FDX1: variants seen among roughly 807,000 people sequenced by gnomAD.
The protein encoded by FDX1 is adrenodoxin, mitochondrial.
In FDX1, 9 loss-of-function variants were observed where a neutral mutation model predicts 14.9. The observed-to-expected ratio is 0.60, with a 90% CI of 0.36 to 1.05. The LOEUF (loss-of-function observed/expected upper bound fraction) is 1.05, where lower values mean the gene tolerates loss of function less well. Among genes scored for constraint, FDX1 ranks in the 50% least tolerant of loss-of-function variants. The pLI, the probability that FDX1 is intolerant of heterozygous loss-of-function variation, is 0.01. For missense variants in FDX1, 204 were observed against 237.2 expected (o/e 0.86, Z 0.92); for synonymous variants, 92 against 99.4 (o/e 0.93, Z 0.44).
At chr11:110,430,524 T>C (rs75300550) in intron 1 of FDX1, among the ~76,000 whole-genome samples, 2,880 of 152,242 alleles carry the variant, frequency 0.019, 77 homozygotes, top group African/African-American at 0.061. Flanking sequence ...CAGAGTTCCT[T>C]TCCGCATCAC....
chr11:110,435,887 C>A lies in FDX1; in HGVS notation c.239C>A (p.Thr80Lys), dbSNP rs375254527. 3.1e-6 allele frequency: 5 copies of A among 1,610,862 alleles called. No individual in the cohort carries two copies. The African/African-American group carries it at 5.3e-5, about 17-fold the overall frequency. Residue 80 changes from threonine (T) to lysine (K), a missense_variant, in exon 2 of 4, where the codon ACA (threonine) becomes AAA (lysine). Physicochemically the swap from Thr to Lys is moderately conservative, Grantham distance 78. Coordinates refer to ENST00000260270, the MANE Select transcript of FDX1 (RefSeq NM_004109.5). ...HFINRDGETL[T>K]TKGKVGDSLL... ...ATAAACCGTGATGGTGAAACATTAACAACCAAAGGAAAAGTTGGTGATTCT... is the reference window on the plus strand; with the variant it reads ...ATAAACCGTGATGGTGAAACATTAAAAACCAAAGGAAAAGTTGGTGATTCT...
At position 110,432,000 on chromosome 11, in the gene FDX1, G is replaced by T. The variant is rs543598888; in HGVS notation, c.185+1695G>T. On this transcript the variant is annotated intron_variant, in intron 1 of 3. Transcript: ENST00000260270. Reference sequence around the variant, plus strand: ...TAAATAAAATTAAAGATTCAATCTCGTAGTTACACTAGCCACATTTCGAGT... The same window carrying T: ...TAAATAAAATTAAAGATTCAATCTCTTAGTTACACTAGCCACATTTCGAGT... Among the ~76,000 whole-genome samples, 3 of 152,272 alleles carry T rather than the reference G, an allele frequency of 2.0e-5. No homozygotes were observed. In the South Asian group the frequency reaches 6.2e-4, roughly 32 times the overall value.
intron 2 of FDX1, among the ~76,000 whole-genome samples, chr11:110,446,328 T>A (rs1946449704): frequency 6.6e-6 from 1 of 152,212 alleles, no homozygotes; most frequent in Non-Finnish European, 1.5e-5. Context: ...TCATAAGTCA[T>A]ACAGATGAAC....
chr11:110,442,806 C>T (rs1232118049), intron 2 of FDX1, among the ~76,000 whole-genome samples: 5 of 152,122 alleles, frequency 3.3e-5, no homozygotes, highest in Admixed American at 3.3e-4. Flanking sequence ...GGACCAGGGG[C>T]AGAATGATAT....
Position 110,462,428 on chromosome 11 carries a change from C to A in FDX1, c.515C>A (p.Ala172Asp). The change falls in exon 4 of 4, where the codon GCT becomes GAT. Residue 172 changes from alanine (A) to aspartate (D), a missense_variant. Transcript: ENST00000260270. ...ACTGTTCGAGTGCCTGAAACAGTGG[C>A]TGATGCCAGACAATCCATTGATGTG... ...NMTVRVPETV[A>D]DARQSIDVGK... 6.2e-7 allele frequency: 1 copy of A among 1,602,218 alleles called. No individual in the cohort carries two copies. The highest frequency in any genetic ancestry group is 8.6e-7 in the Non-Finnish European group (1 of 1,169,380).
upstream of FDX1, chr11:110,429,928 T>G: frequency 1.5e-5 from 5 of 336,748 alleles, no homozygotes; most frequent in Admixed American, 4.9e-5. Context: ...GCCAATGTCT[T>G]TATAGGTCAC....
Position 110,440,018 on chromosome 11 carries a change from T to C in FDX1, c.310+4060T>C, listed in dbSNP as rs563784805. 3.9e-5 allele frequency among the ~76,000 whole-genome samples: 6 copies of C among 152,322 alleles called. No homozygotes were observed. The East Asian group carries it at 7.7e-4, about 20-fold the overall frequency. ...GGCTTTATTTTTCGGGTCTCTATTCTGTTCCTTTGGTCTGTGTGTCTAGGT... is the reference window on the plus strand; with the variant it reads ...GGCTTTATTTTTCGGGTCTCTATTCCGTTCCTTTGGTCTGTGTGTCTAGGT... On this transcript the variant is annotated intron_variant, in intron 2 of 3. Coordinates refer to ENST00000260270, the MANE Select transcript of FDX1 (RefSeq NM_004109.5).
chr11:110,431,458 G>A (rs1946330505), intron 1 of FDX1, among the ~76,000 whole-genome samples: 1 of 152,124 alleles, frequency 6.6e-6, no homozygotes, highest in Non-Finnish European at 1.5e-5. Context: ...AAGACTTTCA[G>A]TCATCTTTTC....
At chr11:110,429,922 A>G, upstream of FDX1, 1 of 344,512 alleles carries the variant, frequency 2.9e-6, no homozygotes, top group East Asian at 4.5e-5. Context: ...CTGCTTGCCA[A>G]TGTCTTTATA....
At chr11:110,444,675 T>TATATATAC (rs1946429846) in intron 2 of FDX1, among the ~76,000 whole-genome samples, 15 of 78,464 alleles carry the variant, frequency 1.9e-4, no homozygotes, top group African/African-American at 8.3e-4. Flanking sequence ...CGTATATATA[T>TATATATAC]ATATATATAC....
At chr11:110,448,023 T>C (rs1174090138) in intron 2 of FDX1, among the ~76,000 whole-genome samples, 2 of 152,242 alleles carry the variant, frequency 1.3e-5, no homozygotes, top group Admixed American at 6.5e-5. Flanking sequence ...TTCAAACTTA[T>C]AAACATTCTC....
intron 1 of FDX1, among the ~76,000 whole-genome samples, chr11:110,435,413 A>G (rs890680995): frequency 6.6e-6 from 1 of 152,216 alleles, no homozygotes; most frequent in Non-Finnish European, 1.5e-5. Context: ...AACTGTGACT[A>G]TTAGGGAGAC....
At chr11:110,443,438 CTTTTTTTTTTT>C (rs1204500783) in intron 2 of FDX1, among the ~76,000 whole-genome samples, 5 of 132,436 alleles carry the variant, frequency 3.8e-5, no homozygotes, top group East Asian at 2.1e-4. Context: ...TAATAATATC[CTTTTTTTTTTT>C]TTTTTTTTGA....
At chr11:110,451,699 A>G (rs150918675) in intron 2 of FDX1, among the ~76,000 whole-genome samples, 38 of 152,352 alleles carry the variant, frequency 2.5e-4, no homozygotes, top group African/African-American at 6.3e-4. Flanking sequence ...ATGCCAATCA[A>G]TGATAGGCTG....
At chr11:110,452,926 A>G (rs974589026) in intron 2 of FDX1, among the ~76,000 whole-genome samples, 4 of 152,348 alleles carry the variant, frequency 2.6e-5, no homozygotes, top group East Asian at 1.9e-4. Context: ...GGGGTTAGGG[A>G]TGAGGTAGAC....
chr11:110,440,853 A>G lies in FDX1; in HGVS notation c.310+4895A>G, dbSNP rs1370406012. ...TTACGGTAGGAATATTTTTAAGCTC[A>G]CAAAAAAATCACTTGGTGAAGGGTA... On this transcript the variant is annotated intron_variant, in intron 2 of 3. Transcript: ENST00000260270. Among the ~76,000 whole-genome samples, 6 of 152,256 alleles carry G rather than the reference A, an allele frequency of 3.9e-5. No individual in the cohort carries two copies. The East Asian group carries it at 9.6e-4, about 24-fold the overall frequency.
intron 3 of FDX1, 105 bp downstream of exon 3, chr11:110,457,152 C>A: frequency 1.0e-6 from 1 of 971,478 alleles, no homozygotes; most frequent in Non-Finnish European, 1.5e-6. Context: ...AGTGTTCTAC[C>A]AGGTTAAATA....
At chr11:110,459,803 G>C (rs1310421667) in intron 3 of FDX1, among the ~76,000 whole-genome samples, 1 of 152,196 alleles carries the variant, frequency 6.6e-6, no homozygotes, top group Non-Finnish European at 1.5e-5. Flanking sequence ...TGGAGCCAGA[G>C]ATCTTTAAGG....
chr11:110,459,895 C>A (rs1946545928), intron 3 of FDX1, among the ~76,000 whole-genome samples: 1 of 152,170 alleles, frequency 6.6e-6, no homozygotes, highest in South Asian at 2.1e-4. Context: ...GCTTTTTGTT[C>A]CGTCTCTTTC....
Sources: allele counts gnomAD v4.1 joint callset (sites outside exome capture counted in the v4.1 genomes callset), GRCh38; gene constraint gnomAD v4.1.1; transcripts MANE v1.5; gene names NCBI Gene and HGNC (gene_info 2026-07-23, HGNC 2026-07-21).